Variants in PTPRM observed in about 807,000 individuals in gnomAD.
PTPRM encodes the protein protein tyrosine phosphatase receptor type M.
Under a neutral mutation model 186.7 loss-of-function variants are expected in PTPRM, and 47 were observed. That is an observed-to-expected ratio of 0.25 (90% CI 0.20 to 0.32). The LOEUF (loss-of-function observed/expected upper bound fraction) is 0.32. PTPRM is among the 10% of genes least tolerant of loss of function. The pLI is 1.00. For synonymous variants in PTPRM, 668 were observed against 674.9 expected (o/e 0.99, Z 0.16); for missense variants, 1,494 against 1,865.0 (o/e 0.80, Z 3.66).
intron 1 of PTPRM, among the ~76,000 whole-genome samples, chr18:7,707,932 C>G (rs1382980572): frequency 6.6e-6 from 1 of 152,188 alleles, no homozygotes; most frequent in Admixed American, 6.5e-5. Flanking sequence ...TGTGCAGACA[C>G]AGTGATCCCA....
intron 11 of PTPRM, among the ~76,000 whole-genome samples, chr18:8,092,059 G>A (rs1351210750): frequency 2.0e-5 from 3 of 151,826 alleles, no homozygotes; most frequent in African/African-American, 7.3e-5. Context: ...CAATTGATTT[G>A]ATTTTTTTTT....
intron 2 of PTPRM, among the ~76,000 whole-genome samples, chr18:7,798,305 C>T (rs921242673): frequency 4.6e-5 from 7 of 151,948 alleles, no homozygotes; most frequent in Non-Finnish European, 7.4e-5. Context: ...CCGGGGTGGG[C>T]AGATCACAGG....
chr18:7,817,044 G>C (rs888903277), intron 2 of PTPRM, among the ~76,000 whole-genome samples: 43 of 148,490 alleles, frequency 2.9e-4, no homozygotes, highest in African/African-American at 9.7e-4. Context: ...GCGTGATCTC[G>C]GCTCACTGCA....
chr18:7,992,596 A>G (rs1011225216), intron 7 of PTPRM, among the ~76,000 whole-genome samples: 2 of 152,146 alleles, frequency 1.3e-5, no homozygotes, highest in African/African-American at 4.8e-5. Flanking sequence ...TATTTGAGAA[A>G]CAAAACGTTA....
intron 2 of PTPRM, among the ~76,000 whole-genome samples, chr18:7,883,999 T>C (rs1428297014): frequency 1.3e-5 from 2 of 151,756 alleles, no homozygotes; most frequent in Non-Finnish European, 2.9e-5. Flanking sequence ...TAAAAAAAAT[T>C]AGCAGGGTGT....
At chr18:7,614,776 G>T (rs2037761099) in intron 1 of PTPRM, among the ~76,000 whole-genome samples, 1 of 152,200 alleles carries the variant, frequency 6.6e-6, no homozygotes, top group Non-Finnish European at 1.5e-5. Context: ...TGTCAGTCTT[G>T]AGCACAGGCA....
chr18:8,379,594 A>G (rs2095718706), intron 28 of PTPRM, among the ~76,000 whole-genome samples: 1 of 152,200 alleles, frequency 6.6e-6, no homozygotes, highest in African/African-American at 2.4e-5. Flanking sequence ...GAGAGCTGAG[A>G]CTTTTAACCT....
intron 5 of PTPRM, among the ~76,000 whole-genome samples, chr18:7,928,987 C>A (rs2051327710): frequency 6.6e-6 from 1 of 152,106 alleles, no homozygotes; most frequent in African/African-American, 2.4e-5. Flanking sequence ...AGTTATCAGC[C>A]CTGACTCTAC....
intron 20 of PTPRM, among the ~76,000 whole-genome samples, chr18:8,302,518 T>C (rs1348325707): frequency 1.3e-5 from 2 of 152,090 alleles, no homozygotes; most frequent in South Asian, 2.1e-4. Flanking sequence ...TAAAATTTCA[T>C]TGGAAAATTT....
In PTPRM at chr18:7,888,114, A is replaced by T; in HGVS notation, c.205A>T (p.Met69Leu). 1.2e-6 allele frequency: 2 copies of T among 1,614,122 alleles called. No homozygotes were observed. Among genetic ancestry groups the T allele is most frequent in the Non-Finnish European group, 8.5e-7 (1 of 1,179,982 alleles). Residue 69 changes from methionine (M) to leucine (L), a missense_variant, in exon 3 of 33, where the codon ATG becomes TTG. Around this residue, in one of 3 missense-constraint regions of PTPRM, gnomAD observed 296 missense variants for 345.5 expected, o/e 0.86. Transcript: ENST00000580170. ...SDPWMPSGSFMLVNASGRPEG... is the reference protein window; with the variant it reads ...SDPWMPSGSFLLVNASGRPEG... ...TGATTTTGTTTTTGCAGGTTCTTTCATGCTGGTGAATGCCTCTGGGAGACC... is the reference window on the plus strand; with the variant it reads ...TGATTTTGTTTTTGCAGGTTCTTTCTTGCTGGTGAATGCCTCTGGGAGACC...
At chr18:8,261,955 G>C (rs2094636202) in intron 19 of PTPRM, among the ~76,000 whole-genome samples, 1 of 152,130 alleles carries the variant, frequency 6.6e-6, no homozygotes, top group Admixed American at 6.5e-5. Flanking sequence ...TGGAGGACCT[G>C]GCCCAGAAAG....
chr18:8,234,708 T>C (rs2147187809), intron 14 of PTPRM, among the ~76,000 whole-genome samples: 1 of 150,860 alleles, frequency 6.6e-6, no homozygotes, highest in Admixed American at 6.6e-5. Context: ...AGTATAATAT[T>C]AGCTATAGCG....
intron 26 of PTPRM, 52 bp downstream of exon 26, chr18:8,376,649 G>A (rs2095697324): frequency 6.4e-7 from 1 of 1,562,964 alleles, no homozygotes; most frequent in East Asian, 2.3e-5. Flanking sequence ...GCTCCCTCCT[G>A]CATCTCCCCA....
At chr18:8,229,021 AC>A (rs774375899) in intron 14 of PTPRM, among the ~76,000 whole-genome samples, 1 of 152,086 alleles carries the variant, frequency 6.6e-6, no homozygotes, top group Non-Finnish European at 1.5e-5. Flanking sequence ...CTGAGCTGGA[AC>A]CTTCAGGATC....
In PTPRM at chr18:8,325,875, T is replaced by C. The variant is rs556819064; in HGVS notation, c.2956+6661T>C. Among the ~76,000 whole-genome samples the C allele has an allele frequency of 3.3e-5, 5 of 152,300 alleles. No homozygotes were observed. In the East Asian group the frequency reaches 9.7e-4, roughly 29 times the overall value. On this transcript the variant is annotated intron_variant, in intron 22 of 32. Transcript: ENST00000580170. The stretch of plus-strand genomic sequence containing the variant: ...TTCTTTTTAATAATAGCCATTCTAA[T>C]TGGTGTGAGATGGTATCTCATTGTG...
At chr18:8,158,265 A>G (rs2093162228) in intron 14 of PTPRM, among the ~76,000 whole-genome samples, 1 of 152,180 alleles carries the variant, frequency 6.6e-6, no homozygotes, top group Non-Finnish European at 1.5e-5. Context: ...ATCATTCTTC[A>G]CAGTTGATGT....
Position 7,980,298 on chromosome 18 carries a change from C to T in PTPRM, c.1132+24884C>T, listed in dbSNP as rs145634251. Reference sequence around the variant, plus strand: ...TTCTCTGCAATGCTGCTTGCCTAGCCTCAGCCACTACTATGGCTCCTTATT... The same window carrying T: ...TTCTCTGCAATGCTGCTTGCCTAGCTTCAGCCACTACTATGGCTCCTTATT... On this transcript the variant is annotated intron_variant, in intron 7 of 32. Coordinates refer to ENST00000580170, the MANE Select transcript of PTPRM (RefSeq NM_001105244.2). Among the ~76,000 whole-genome samples, 562 of 152,238 alleles carry T rather than the reference C, an allele frequency of 3.7e-3. 4 individuals carry two copies. Among genetic ancestry groups the T allele is most frequent in the African/African-American group, 0.013 (524 of 41,552 alleles).
intron 1 of PTPRM, among the ~76,000 whole-genome samples, chr18:7,760,103 G>A (rs1051686276): frequency 6.6e-6 from 1 of 152,124 alleles, no homozygotes; most frequent in Admixed American, 6.6e-5. Context: ...TATCAGTAGG[G>A]TTTCTTCTGC....
At chr18:7,817,270 C>A (rs1568172435) in intron 2 of PTPRM, among the ~76,000 whole-genome samples, 1 of 152,148 alleles carries the variant, frequency 6.6e-6, no homozygotes, top group Non-Finnish European at 1.5e-5. Flanking sequence ...CTGCTGCCCC[C>A]AGCCTTTTTC....
Sources: gnomAD v4.1 joint callset for allele counts (sites outside exome capture counted in the v4.1 genomes callset) on GRCh38, gnomAD v4.1.1 for gene constraint, gnomAD v4.1.1 regional missense constraint, MANE v1.5 for transcripts, NCBI Gene and HGNC (gene_info 2026-07-23, HGNC 2026-07-21) for gene names.